The following COP1 variants were observed in gnomAD, a reference collection of about 807,000 sequenced individuals.
COP1 encodes COP1 E3 ubiquitin ligase, also known as E3 ubiquitin-protein ligase COP1.
Under a neutral mutation model 101.3 loss-of-function variants are expected in COP1, and 24 were observed. The ratio of observed to expected loss-of-function variants is 0.24; its 90% confidence interval spans 0.17 to 0.33. The LOEUF is 0.33. Ranked by LOEUF, COP1 falls within the 10% of genes least tolerant of loss-of-function variation. The probability of loss-of-function intolerance (pLI) is 1.00; values close to 1 mark genes in which losing one functional copy is unlikely to be tolerated. For synonymous variants in COP1, 347 were observed against 341.9 expected, an observed-to-expected ratio of 1.01 and a Z score of -0.17; for missense variants, 663 against 906.2, an observed-to-expected ratio of 0.73 and a Z score of 3.45.
chr1:176,008,426 G>A (rs1445698497), intron 15 of COP1, among the ~76,000 whole-genome samples: 1 of 152,022 alleles, frequency 6.6e-6, no homozygotes, highest in East Asian at 1.9e-4. Flanking sequence ...AATTTTTCAT[G>A]TTTAGTTATG....
rs1046167323 is a variant in COP1, at chr1:176,120,468, C to T, written c.969-3787G>A. Reference sequence around the variant, plus strand: ...AAAGCTTAATAAAGACATCAAAAAACGTCAAGGGAAAAAAATTTCAGGGTA... The same window carrying T: ...AAAGCTTAATAAAGACATCAAAAAATGTCAAGGGAAAAAAATTTCAGGGTA... On this transcript the variant is annotated intron_variant, in intron 8 of 19. Coordinates refer to ENST00000367669, the MANE Select transcript of COP1 (RefSeq NM_022457.7). Among the ~76,000 whole-genome samples, 3 of 151,556 alleles carry T rather than the reference C, an allele frequency of 2.0e-5. No individual in the cohort carries two copies. The South Asian group carries it at 6.3e-4, about 32-fold the overall frequency.
chr1:176,148,857 T>A (rs925143088), intron 6 of COP1, 149 bp downstream of exon 6: 1 of 544,152 alleles, frequency 1.8e-6, no homozygotes, highest in African/African-American at 2.0e-5. Context: ...GAAAAGAAGT[T>A]AAAATAACAA....
intron 15 of COP1, among the ~76,000 whole-genome samples, chr1:176,001,454 T>C (rs1327581164): frequency 6.6e-6 from 1 of 152,144 alleles, no homozygotes; most frequent in Admixed American, 6.6e-5. Flanking sequence ...AACAGAATGC[T>C]ATGGACAGAA....
At chr1:176,057,107 G>A (rs531242758) in intron 11 of COP1, among the ~76,000 whole-genome samples, 10 of 152,140 alleles carry the variant, frequency 6.6e-5, no homozygotes, top group Admixed American at 3.3e-4. Flanking sequence ...CTACCCCTGC[G>A]TTTCCAATAT....
At chr1:176,004,258 C>T (rs1483913477) in intron 15 of COP1, among the ~76,000 whole-genome samples, 8 of 147,020 alleles carry the variant, frequency 5.4e-5, no homozygotes, top group Middle Eastern at 3.4e-3. Flanking sequence ...TGGGCTGAGA[C>T]GATGGGGTTT....
At chr1:176,050,065 A>C (rs951415040) in intron 11 of COP1, among the ~76,000 whole-genome samples, 10 of 152,252 alleles carry the variant, frequency 6.6e-5, no homozygotes, top group African/African-American at 2.2e-4. Flanking sequence ...ACTGCATGAC[A>C]AATTCAATTT....
chr1:176,020,782 T>C (rs922781115), intron 15 of COP1, among the ~76,000 whole-genome samples: 1 of 152,240 alleles, frequency 6.6e-6, no homozygotes, highest in African/African-American at 2.4e-5. Flanking sequence ...TGAATTCATC[T>C]AAAGGCATCA....
At chr1:176,103,013 G>GTAA (rs879790319) in intron 9 of COP1, among the ~76,000 whole-genome samples, 1 of 152,170 alleles carries the variant, frequency 6.6e-6, no homozygotes, top group Non-Finnish European at 1.5e-5. Context: ...ACTGATTTGA[G>GTAA]TAATAAAACT....
intron 15 of COP1, among the ~76,000 whole-genome samples, chr1:175,990,084 A>C (rs933701968): frequency 1.3e-5 from 2 of 151,996 alleles, no homozygotes; most frequent in Non-Finnish European, 2.9e-5. Flanking sequence ...CAGACACTTA[A>C]GGATACACAA....
intron 8 of COP1, among the ~76,000 whole-genome samples, chr1:176,130,653 A>G (rs1198864497): frequency 4.0e-5 from 6 of 151,812 alleles, no homozygotes; most frequent in Non-Finnish European, 5.9e-5. Context: ...AGTATACTAC[A>G]TGTGATGCTT....
chr1:176,177,349 TAAAAAAAAAA>T (rs575380846), intron 2 of COP1, among the ~76,000 whole-genome samples: 1 of 132,632 alleles, frequency 7.5e-6, no homozygotes, highest in African/African-American at 2.8e-5. Flanking sequence ...AAAAAAATAT[TAAAAAAAAAA>T]AAGAAAAAAG....
At chr1:176,159,176 C>A (rs1693919673) in intron 5 of COP1, among the ~76,000 whole-genome samples, 1 of 151,880 alleles carries the variant, frequency 6.6e-6, no homozygotes, top group South Asian at 2.1e-4. Context: ...TAGTAATATA[C>A]AAAATACAAG....
intron 16 of COP1, 176 bp from the exon 17 acceptor site, chr1:175,988,588 T>G (rs943440907): frequency 5.8e-6 from 3 of 518,684 alleles, no homozygotes; most frequent in Non-Finnish European, 9.7e-6. Context: ...TTCCAAGCAA[T>G]TTGGTAGGCC....
At chr1:176,123,425 G>A (rs537810567) in intron 8 of COP1, among the ~76,000 whole-genome samples, 1 of 152,148 alleles carries the variant, frequency 6.6e-6, no homozygotes, top group South Asian at 2.1e-4. Context: ...CCCCATTTCT[G>A]ACCTCCTAGA....
At chr1:175,956,325 G>GA (rs1650647486) in intron 18 of COP1, among the ~76,000 whole-genome samples, 1 of 151,902 alleles carries the variant, frequency 6.6e-6, no homozygotes, top group Admixed American at 6.6e-5. Context: ...TGTATATACA[G>GA]AAAAAAGTAA....
At chr1:176,101,079 T>C (rs756824614) in intron 9 of COP1, among the ~76,000 whole-genome samples, 3 of 152,156 alleles carry the variant, frequency 2.0e-5, no homozygotes, top group Non-Finnish European at 4.4e-5. Flanking sequence ...GTCTAGGGAA[T>C]TCAAAGGCTA....
chr1:176,049,018 A>C (rs1476086710), intron 11 of COP1, among the ~76,000 whole-genome samples: 1 of 151,172 alleles, frequency 6.6e-6, no homozygotes, highest in Non-Finnish European at 1.5e-5. Flanking sequence ...TGAAAATACA[A>C]AAAATTAGCC....
chr1:176,186,508 C>T (rs1698457979), intron 1 of COP1, among the ~76,000 whole-genome samples: 1 of 151,988 alleles, frequency 6.6e-6, no homozygotes, highest in African/African-American at 2.4e-5. Context: ...CCACTGCACT[C>T]CAGCCCAGGT....
chr1:176,158,440 C>A (rs1693802268), intron 5 of COP1, among the ~76,000 whole-genome samples: 1 of 151,800 alleles, frequency 6.6e-6, no homozygotes, highest in Non-Finnish European at 1.5e-5. Flanking sequence ...CCAATCTAGA[C>A]AAAAGAATAA....
Sources: gnomAD v4.1 joint callset for allele counts (sites outside exome capture counted in the v4.1 genomes callset) on GRCh38, gnomAD v4.1.1 for gene constraint, MANE v1.5 for transcripts, NCBI Gene and HGNC (gene_info 2026-07-23, HGNC 2026-07-21) for gene names.